The following XPO5 variants were observed in gnomAD, a reference collection of about 807,000 sequenced individuals.
The protein encoded by XPO5 is exportin-5.
XPO5 carries 46 observed loss-of-function variants against 160.6 expected under a neutral mutation model. That is an observed-to-expected ratio of 0.29 (90% CI 0.23 to 0.37). The LOEUF (loss-of-function observed/expected upper bound fraction) is 0.37, where lower values mean the gene tolerates loss of function less well. Ranked by LOEUF, XPO5 falls within the 10% of genes least tolerant of loss-of-function variation. The pLI, the probability that XPO5 is intolerant of heterozygous loss-of-function variation, is 1.00. For synonymous variants in XPO5, 537 were observed against 519.3 expected (o/e 1.03, Z -0.46); for missense variants, 1,090 against 1,463.9 (o/e 0.74, Z 4.17).
chr6:43,558,433 A>G, intron 12 of XPO5, 68 bp downstream of exon 12: 1 of 1,385,590 alleles, frequency 7.2e-7, no homozygotes, highest in South Asian at 1.4e-5. Flanking sequence ...AACACCATGC[A>G]CCATGATTCA....
intron 21 of XPO5, 179 bp downstream of exon 21, chr6:43,533,728 G>A (rs990561090): frequency 2.1e-5 from 8 of 374,432 alleles, no homozygotes; most frequent in South Asian, 1.1e-4. Flanking sequence ...CCAACTACTC[G>A]GGAGGCTGAG....
rs559622992 is a variant in XPO5 at position 43,541,073 on chromosome 6, A to G, written c.2342+5498T>C. Among the ~76,000 whole-genome samples the G allele has an allele frequency of 8.5e-5, 13 of 152,260 alleles. No individual in the cohort carries two copies. The South Asian group carries it at 2.7e-3, about 32-fold the overall frequency. On this transcript the variant is annotated intron_variant, in intron 20 of 31. Transcript: ENST00000265351. Reference sequence around the variant, plus strand: ...TAAACAATTCGACTCATGGACATACAGAGTGTAAGGATGGTTAGCAGAGGG... The same window carrying G: ...TAAACAATTCGACTCATGGACATACGGAGTGTAAGGATGGTTAGCAGAGGG...
chr6:43,553,710 C>T, intron 13 of XPO5: 4 of 1,093,710 alleles, frequency 3.7e-6, no homozygotes, highest in Non-Finnish European at 4.8e-6. Flanking sequence ...GTGAAGGTTC[C>T]TACCATGCCT....
At position 43,534,014 on chromosome 6, in the gene XPO5, G is replaced by T; in HGVS notation, c.2343-7C>A. 1 of 1,591,766 alleles carries T rather than the reference G, an allele frequency of 6.3e-7. No homozygotes were observed. The highest frequency in any genetic ancestry group is 8.6e-7 in the Non-Finnish European group (1 of 1,165,638). ...ATATAATGTATTGTGGGTTCTGAAA[G>T]AAACAAGAATGCTATTGAGCTTTTC... On this transcript the variant is annotated splice_region_variant and splice_polypyrimidine_tract_variant and intron_variant, in intron 20 of 31. Transcript: ENST00000265351.
chr6:43,557,866 C>T (rs1283606848), intron 12 of XPO5, among the ~76,000 whole-genome samples: 2 of 147,936 alleles, frequency 1.4e-5, no homozygotes, highest in Non-Finnish European at 3.0e-5. Context: ...GAGACTGAGG[C>T]GGGCAGATGA....
rs555124547 is a variant in XPO5, at chr6:43,535,095, A to G, written c.2343-1088T>C. 4.6e-5 allele frequency among the ~76,000 whole-genome samples: 7 copies of G among 150,712 alleles called. No homozygotes were observed. In the South Asian group the frequency reaches 1.5e-3, roughly 32 times the overall value. ...ATCACGAGGTCATGAGATCGAGACT[A>G]TCCTGGCTAACACAGTGAAACCCTG... On this transcript the variant is annotated intron_variant, in intron 20 of 31. Coordinates refer to ENST00000265351, the MANE Select transcript of XPO5 (RefSeq NM_020750.3).
intron 20 of XPO5, among the ~76,000 whole-genome samples, chr6:43,543,000 A>C (rs527681062): frequency 6.6e-6 from 1 of 152,340 alleles, no homozygotes; most frequent in East Asian, 1.9e-4. Context: ...GCATATTCAC[A>C]CAATGAAGTA....
At position 43,567,146 on chromosome 6, in the gene XPO5, G is replaced by A. The variant is rs1449100356; in HGVS notation, c.834+23C>T. 5.0e-6 allele frequency: 8 copies of A among 1,598,354 alleles called. No individual in the cohort carries two copies. The South Asian group carries it at 7.9e-5, about 16-fold the overall frequency. ...AGCCTACTTCAGAGACTGAGGATAA[G>A]TCAGTTTGAAGTGGTAACTTACTTT... is the stretch of plus-strand genomic sequence containing the variant. On this transcript the variant is annotated intron_variant, in intron 7 of 31. Coordinates refer to ENST00000265351, the MANE Select transcript of XPO5 (RefSeq NM_020750.3).
At chr6:43,538,017 G>A (rs1166106324) in intron 20 of XPO5, among the ~76,000 whole-genome samples, 30 of 149,578 alleles carry the variant, frequency 2.0e-4, no homozygotes, top group African/African-American at 3.9e-4. Flanking sequence ...CCCGGGAGGC[G>A]GAGGGTGCAG....
At chr6:43,540,653 C>CA (rs1229580044) in intron 20 of XPO5, among the ~76,000 whole-genome samples, 2 of 151,692 alleles carry the variant, frequency 1.3e-5, no homozygotes, top group South Asian at 2.1e-4. Context: ...CACTCCGTTT[C>CA]AAAAAAAATA....
chr6:43,526,670 C>T lies in XPO5; in HGVS notation c.2983+15G>A. 6.2e-7 allele frequency: 1 copy of T among 1,613,706 alleles called. No individual in the cohort carries two copies. The highest frequency in any genetic ancestry group is 8.5e-7 in the Non-Finnish European group (1 of 1,179,770). On this transcript the variant is annotated intron_variant, in intron 27 of 31. Transcript: ENST00000265351. ...GGCTAAGAGCAGAACTCCAAGGTCT[C>T]ACAGGCTCACTTACCGTCTCCATCT...
At chr6:43,531,447 G>A in intron 22 of XPO5, 32 bp downstream of exon 22, 1 of 1,586,652 alleles carries the variant, frequency 6.3e-7, no homozygotes, top group Middle Eastern at 1.7e-4. Context: ...TATCGAGGAA[G>A]AAAATATGGA....
intron 6 of XPO5, among the ~76,000 whole-genome samples, chr6:43,567,958 T>A (rs1479971701): frequency 4.1e-5 from 6 of 146,056 alleles, no homozygotes; most frequent in African/African-American, 1.5e-4. Flanking sequence ...AAAAAGTAAG[T>A]CTGTTTTTGT....
chr6:43,573,318 TGAATGA>T (rs1763107006), intron 2 of XPO5, 156 bp downstream of exon 2: 2 of 926,226 alleles, frequency 2.2e-6, no homozygotes, highest in African/African-American at 1.7e-5. Flanking sequence ...GGTTAAATCT[TGAATGA>T]GAGCTCCTGT....
chr6:43,559,862 C>A (rs1762314574), intron 11 of XPO5, among the ~76,000 whole-genome samples: 1 of 152,166 alleles, frequency 6.6e-6, no homozygotes, highest in Admixed American at 6.5e-5. Flanking sequence ...ATTGCCTAGG[C>A]TGGAGTGCAG....
chr6:43,538,771 C>CTT (rs539083995), intron 20 of XPO5: 277 of 532,120 alleles, frequency 5.2e-4, no homozygotes, highest in South Asian at 4.2e-3. Context: ...CTACATTTTT[C>CTT]TTTTTTTTTT....
intron 10 of XPO5, 144 bp from the exon 11 acceptor site, chr6:43,560,447 A>G: frequency 9.8e-7 from 1 of 1,022,016 alleles, no homozygotes; most frequent in Non-Finnish European, 1.4e-6. Flanking sequence ...TTTATCAGTA[A>G]TGACCACCCA....
intron 21 of XPO5, among the ~76,000 whole-genome samples, chr6:43,533,168 G>A (rs1794094009): frequency 6.9e-6 from 1 of 144,990 alleles, no homozygotes; most frequent in African/African-American, 2.5e-5. Context: ...GTAACAATTG[G>A]GAAATGGCTT....
At chr6:43,530,654 C>A in intron 23 of XPO5, 34 bp downstream of exon 23, 1 of 1,604,696 alleles carries the variant, frequency 6.2e-7, no homozygotes, top group Admixed American at 1.7e-5. Context: ...ATTTTCTGAC[C>A]TTTTGGGTTA....
Sources: gnomAD v4.1 joint callset for allele counts (sites outside exome capture counted in the v4.1 genomes callset) on GRCh38, gnomAD v4.1.1 for gene constraint, MANE v1.5 for transcripts, NCBI Gene and HGNC (gene_info 2026-07-23, HGNC 2026-07-21) for gene names.